The following NBEA variants were observed in gnomAD, a reference collection of about 807,000 sequenced individuals.
The protein encoded by NBEA is neurobeachin, also known as lysosomal-trafficking regulator 2.
A neutral mutation model predicts 343.4 loss-of-function variants in NBEA; 44 were observed. That is an observed-to-expected ratio of 0.13 (90% CI 0.10 to 0.16). The LOEUF (loss-of-function observed/expected upper bound fraction) is 0.16. NBEA is among the 10% of genes least tolerant of loss of function. NBEA has a pLI of 1.00. For missense variants in NBEA, 2,555 were observed against 3,631.3 expected, an observed-to-expected ratio of 0.70 and a Z score of 7.62; for synonymous variants, 1,175 against 1,238.7, an observed-to-expected ratio of 0.95 and a Z score of 1.08.
intron 34 of NBEA, among the ~76,000 whole-genome samples, chr13:35,289,547 A>G (rs574401550): frequency 6.6e-6 from 1 of 151,978 alleles, no homozygotes; most frequent in Admixed American, 6.6e-5. Context: ...CATACTTTTA[A>G]TTGGAAAAAA....
intron 35 of NBEA, among the ~76,000 whole-genome samples, chr13:35,296,858 T>C (rs1482691526): frequency 4.6e-5 from 7 of 152,104 alleles, no homozygotes. Flanking sequence ...TTAGCTATCA[T>C]ATAATAAGTA....
chr13:35,202,734 T>G (rs894907199), intron 31 of NBEA, among the ~76,000 whole-genome samples: 4 of 152,124 alleles, frequency 2.6e-5, no homozygotes, highest in African/African-American at 7.2e-5. Flanking sequence ...GAACCTCTTT[T>G]CTAAACTAGA....
chr13:35,521,383 A>G (rs1024007829), intron 41 of NBEA, among the ~76,000 whole-genome samples: 1 of 152,210 alleles, frequency 6.6e-6, no homozygotes, highest in African/African-American at 2.4e-5. Flanking sequence ...AATATTCAGG[A>G]ATCATTTGGT....
At chr13:35,429,521 G>A (rs1303531809) in intron 38 of NBEA, among the ~76,000 whole-genome samples, 2 of 152,140 alleles carry the variant, frequency 1.3e-5, no homozygotes, top group Admixed American at 1.3e-4. Context: ...GCCTCCAAGT[G>A]TGGGATATAT....
intron 36 of NBEA, among the ~76,000 whole-genome samples, chr13:35,313,048 C>G (rs563763070): frequency 6.6e-6 from 1 of 152,144 alleles, no homozygotes; most frequent in Non-Finnish European, 1.5e-5. Flanking sequence ...AGATGTGATG[C>G]TCAGAGAGAG....
At chr13:35,105,677 T>C (rs2065885321) in intron 11 of NBEA, among the ~76,000 whole-genome samples, 1 of 152,006 alleles carries the variant, frequency 6.6e-6, no homozygotes, top group Non-Finnish European at 1.5e-5. Context: ...TCTGAGCTGA[T>C]CATTGCCTGC....
intron 39 of NBEA, among the ~76,000 whole-genome samples, chr13:35,443,302 G>A (rs940088688): frequency 6.6e-6 from 1 of 152,000 alleles, no homozygotes; most frequent in African/African-American, 2.4e-5. Flanking sequence ...ATGTAATATA[G>A]TCATGTGCTA....
At chr13:35,086,394 A>T (rs1180087165) in intron 10 of NBEA, among the ~76,000 whole-genome samples, 1 of 151,888 alleles carries the variant, frequency 6.6e-6, no homozygotes, top group East Asian at 1.9e-4. Context: ...ACTTTGACCA[A>T]CTATCTAACT....
At chr13:35,045,222 A>T in intron 3 of NBEA, 84 bp from the exon 4 acceptor site, 1 of 1,261,228 alleles carries the variant, frequency 7.9e-7, no homozygotes, top group Non-Finnish European at 1.1e-6. Flanking sequence ...TCTAGTTAGA[A>T]AACAGTCCAA....
At chr13:35,455,360 C>G (rs980613686) in intron 40 of NBEA, among the ~76,000 whole-genome samples, 7 of 149,056 alleles carry the variant, frequency 4.7e-5, no homozygotes, top group Non-Finnish European at 7.4e-5. Flanking sequence ...TAATTCTGTT[C>G]TTATTTTAAT....
intron 3 of NBEA, 30 bp downstream of exon 3, chr13:35,045,077 A>G (rs766183443): frequency 1.3e-6 from 2 of 1,551,532 alleles, no homozygotes; most frequent in East Asian, 2.3e-5. Flanking sequence ...AAAGGTATTC[A>G]GTATCAGTCC....
At chr13:35,013,213 G>A (rs982496446) in intron 1 of NBEA, among the ~76,000 whole-genome samples, 5 of 152,104 alleles carry the variant, frequency 3.3e-5, no homozygotes, top group African/African-American at 1.2e-4. Flanking sequence ...GACCAATGTG[G>A]AACTTATCAT....
At chr13:34,979,181 T>C (rs991391389) in intron 1 of NBEA, among the ~76,000 whole-genome samples, 1 of 152,212 alleles carries the variant, frequency 6.6e-6, no homozygotes, top group Admixed American at 6.5e-5. Context: ...TTTGAATTTC[T>C]GGGATGGCCA....
At chr13:35,196,353 A>G (rs1423092808) in intron 31 of NBEA, 51 bp downstream of exon 31, 41 of 1,473,950 alleles carry the variant, frequency 2.8e-5, no homozygotes, top group African/African-American at 5.7e-5. Flanking sequence ...AAGGAAAATT[A>G]GACTTTGTTA....
At chr13:35,626,740 T>C (rs994268500) in intron 48 of NBEA, among the ~76,000 whole-genome samples, 3 of 152,196 alleles carry the variant, frequency 2.0e-5, no homozygotes, top group African/African-American at 7.2e-5. Flanking sequence ...ACCAAACTAA[T>C]ATAGACATAA....
intron 56 of NBEA, among the ~76,000 whole-genome samples, chr13:35,666,014 G>A (rs1013482926): frequency 1.3e-5 from 2 of 152,130 alleles, no homozygotes; most frequent in African/African-American, 4.8e-5. Flanking sequence ...GTTCTCTGTG[G>A]GAAGACTCCC....
At chr13:35,343,490 G>A (rs2039703242) in intron 36 of NBEA, among the ~76,000 whole-genome samples, 1 of 152,074 alleles carries the variant, frequency 6.6e-6, no homozygotes, top group African/African-American at 2.4e-5. Flanking sequence ...CTGATCACAT[G>A]GTTCAGGGGT....
intron 48 of NBEA, among the ~76,000 whole-genome samples, chr13:35,607,216 A>G (rs1226963559): frequency 6.6e-6 from 1 of 152,084 alleles, no homozygotes; most frequent in African/African-American, 2.4e-5. Context: ...TGCCAAGTTA[A>G]TTTTTAAAAA....
At chr13:35,167,401 A>T (rs1180880180) in intron 24 of NBEA, among the ~76,000 whole-genome samples, 1 of 151,836 alleles carries the variant, frequency 6.6e-6, no homozygotes. Context: ...GAACTGTTTA[A>T]TCTTAGTTGG....
Sources: gnomAD v4.1 joint callset for allele counts (sites outside exome capture counted in the v4.1 genomes callset) on GRCh38, gnomAD v4.1.1 for gene constraint, MANE v1.5 for transcripts, NCBI Gene and HGNC (gene_info 2026-07-23, HGNC 2026-07-21) for gene names.